The following EDIL3 variants were observed in gnomAD, a reference collection of about 807,000 sequenced individuals.
The protein encoded by EDIL3 is EGF-like repeat and discoidin I-like domain-containing protein 3.
Under a neutral mutation model 67.4 loss-of-function variants are expected in EDIL3, and 37 were observed. The ratio of observed to expected loss-of-function variants is 0.55; its 90% CI spans 0.42 to 0.72. The LOEUF (loss-of-function observed/expected upper bound fraction) is 0.72. Ranked by LOEUF, EDIL3 falls within the 30% of genes least tolerant of loss-of-function variation. The pLI is 0.00. For synonymous variants in EDIL3, 195 were observed against 196.3 expected (o/e 0.99, Z 0.05); for missense variants, 527 against 586.3 (o/e 0.90, Z 1.04).
intron 3 of EDIL3, among the ~76,000 whole-genome samples, chr5:84,226,389 T>C (rs1162937114): frequency 6.6e-6 from 1 of 151,642 alleles, no homozygotes; most frequent in Non-Finnish European, 1.5e-5. Context: ...ATATGATTAC[T>C]GAAAAATATA....
Position 83,946,697 on chromosome 5 carries a change from G to A in EDIL3, c.1294-3129C>T, listed in dbSNP as rs1032127629. On this transcript the variant is annotated intron_variant, in intron 10 of 10. Coordinates refer to ENST00000296591, the MANE Select transcript of EDIL3 (RefSeq NM_005711.5). Reference sequence around the variant, plus strand: ...ATTCAGGCCGGTATAGACATCAATAGGAGGCCTCCAGGGATCATGGAACAA... The same window carrying A: ...ATTCAGGCCGGTATAGACATCAATAAGAGGCCTCCAGGGATCATGGAACAA... Among the ~76,000 whole-genome samples the A allele has an allele frequency of 2.0e-5, 3 of 151,848 alleles. No homozygotes were observed. The East Asian group carries it at 5.8e-4, about 30-fold the overall frequency.
At chr5:84,005,623 A>T (rs1745398786) in intron 9 of EDIL3, among the ~76,000 whole-genome samples, 2 of 152,128 alleles carry the variant, frequency 1.3e-5, no homozygotes, top group African/African-American at 4.8e-5. Flanking sequence ...AAAATTCAGC[A>T]TCCCTTCTTG....
chr5:84,262,595 G>C (rs1376159824), intron 1 of EDIL3, among the ~76,000 whole-genome samples: 2 of 141,072 alleles, frequency 1.4e-5, no homozygotes, highest in Non-Finnish European at 3.0e-5. Context: ...TACAAAATAA[G>C]TAGCGAAAAT....
At chr5:84,276,593 G>A (rs1280325468) in intron 1 of EDIL3, among the ~76,000 whole-genome samples, 1 of 151,652 alleles carries the variant, frequency 6.6e-6, no homozygotes, top group Non-Finnish European at 1.5e-5. Flanking sequence ...AATTGAGATG[G>A]AGTCTTGCTC....
chr5:84,238,004 C>T (rs1039869328), intron 2 of EDIL3, among the ~76,000 whole-genome samples: 12 of 152,082 alleles, frequency 7.9e-5, no homozygotes, highest in African/African-American at 2.7e-4. Flanking sequence ...ATCATCCCAC[C>T]CCAGTAGAGA....
chr5:84,078,125 T>C (rs1388070597), intron 6 of EDIL3, among the ~76,000 whole-genome samples: 2 of 152,196 alleles, frequency 1.3e-5, no homozygotes, highest in Non-Finnish European at 2.9e-5. Flanking sequence ...GTTAGTAAAA[T>C]TAAGCAACCC....
At chr5:84,356,501 G>C in intron 1 of EDIL3, among the ~76,000 whole-genome samples, 1 of 152,158 alleles carries the variant, frequency 6.6e-6, no homozygotes, top group East Asian at 1.9e-4. Flanking sequence ...TCTGCATAAC[G>C]ATCACTCTGA....
At chr5:84,241,173 A>G (rs930153461) in intron 2 of EDIL3, among the ~76,000 whole-genome samples, 2 of 152,116 alleles carry the variant, frequency 1.3e-5, no homozygotes, top group African/African-American at 4.8e-5. Context: ...CCCTTTCTCA[A>G]ATGTAAGTAT....
At chr5:84,358,565 C>CAGCATA (rs1747533972) in intron 1 of EDIL3, among the ~76,000 whole-genome samples, 1 of 142,894 alleles carries the variant, frequency 7.0e-6, no homozygotes, top group African/African-American at 2.6e-5. Flanking sequence ...AAGATACCTA[C>CAGCATA]AGCATAAGAC....
intron 5 of EDIL3, among the ~76,000 whole-genome samples, chr5:84,124,932 A>T (rs1364241463): frequency 6.6e-6 from 1 of 152,016 alleles, no homozygotes; most frequent in Non-Finnish European, 1.5e-5. Context: ...TTATAAACTG[A>T]CTGCTTTCTT....
intron 9 of EDIL3, among the ~76,000 whole-genome samples, chr5:84,026,939 C>A (rs1182630629): frequency 6.6e-6 from 1 of 151,852 alleles, no homozygotes; most frequent in Non-Finnish European, 1.5e-5. Flanking sequence ...ATAAAAAATA[C>A]AAAAAATTAG....
At chr5:84,215,196 C>T (rs538062623) in intron 3 of EDIL3, among the ~76,000 whole-genome samples, 1 of 152,036 alleles carries the variant, frequency 6.6e-6, no homozygotes, top group Non-Finnish European at 1.5e-5. Flanking sequence ...ATATGCCAGC[C>T]CTTAGGAGTT....
In EDIL3 at chr5:84,130,543, C is replaced by T. The variant is rs563627729; in HGVS notation, c.469+6698G>A. Among the ~76,000 whole-genome samples the T allele has an allele frequency of 7.2e-5, 11 of 152,004 alleles. No individual in the cohort carries two copies. In the South Asian group the frequency reaches 1.2e-3, roughly 17 times the overall value. ...TCTAATTTTCACTTCCTTATAGACA[C>T]CTTTTTTAAAAAAATTATTTACTTC... On this transcript the variant is annotated intron_variant, in intron 5 of 10. Coordinates refer to ENST00000296591, the MANE Select transcript of EDIL3 (RefSeq NM_005711.5).
chr5:84,312,924 A>G (rs1242613055), intron 1 of EDIL3, among the ~76,000 whole-genome samples: 1 of 152,228 alleles, frequency 6.6e-6, no homozygotes, highest in Non-Finnish European at 1.5e-5. Flanking sequence ...CAACATGATT[A>G]TCAAATGTAA....
chr5:84,093,821 G>A (rs1252367907), intron 6 of EDIL3, among the ~76,000 whole-genome samples: 2 of 151,644 alleles, frequency 1.3e-5, no homozygotes, highest in African/African-American at 2.4e-5. Context: ...CACCACAACC[G>A]GCTAATTTCT....
intron 1 of EDIL3, among the ~76,000 whole-genome samples, chr5:84,299,749 T>G (rs1746120374): frequency 6.6e-6 from 1 of 152,208 alleles, no homozygotes; most frequent in Admixed American, 6.5e-5. Context: ...TTTGTATGTA[T>G]GTACATATGT....
chr5:83,991,535 C>G (rs1745150842), intron 9 of EDIL3, among the ~76,000 whole-genome samples: 1 of 152,138 alleles, frequency 6.6e-6, no homozygotes, highest in South Asian at 2.1e-4. Context: ...TTAACACATT[C>G]ATTTCCTCAA....
chr5:84,131,088 T>G (rs1747958116), intron 5 of EDIL3, among the ~76,000 whole-genome samples: 3 of 151,984 alleles, frequency 2.0e-5, no homozygotes, highest in Non-Finnish European at 4.4e-5. Flanking sequence ...AAAGAAAAGG[T>G]GAGATATACA....
At chr5:83,967,929 T>A (rs1380828986) in intron 9 of EDIL3, among the ~76,000 whole-genome samples, 1 of 152,162 alleles carries the variant, frequency 6.6e-6, no homozygotes, top group Non-Finnish European at 1.5e-5. Flanking sequence ...TTCTGAATTG[T>A]GTATTTTATG....
Sources: allele counts gnomAD v4.1 joint callset (sites outside exome capture counted in the v4.1 genomes callset), GRCh38; gene constraint gnomAD v4.1.1; transcripts MANE v1.5; gene names NCBI Gene and HGNC (gene_info 2026-07-23, HGNC 2026-07-21).